Variants in ACADVL observed in about 807,000 individuals in gnomAD.
The protein encoded by ACADVL is acyl-CoA dehydrogenase very long chain.
In ACADVL, 73 loss-of-function variants were observed where a neutral mutation model predicts 80.4. The ratio of observed to expected loss-of-function variants is 0.91; its 90% CI spans 0.75 to 1.10. The LOEUF (loss-of-function observed/expected upper bound fraction) is 1.10. Ranked by LOEUF, ACADVL falls within the 50% of genes least tolerant of loss-of-function variation. The pLI, the probability that ACADVL is intolerant of heterozygous loss-of-function variation, is 0.00. For synonymous variants in ACADVL, 392 were observed against 326.5 expected (o/e 1.20, Z -2.16); for missense variants, 878 against 858.9 (o/e 1.02, Z -0.28).
chr17:7,223,129 C>G lies in ACADVL; in HGVS notation c.1078-4C>G, dbSNP rs2071311558. ...CACAGCGGGATGTGTGGACCCTCTT[C>G]CAGGTAGATCATGCCACTAATCGTA... On this transcript the variant is annotated splice_region_variant and splice_polypyrimidine_tract_variant and intron_variant, in intron 10 of 19. Coordinates refer to ENST00000356839, the MANE Select transcript of ACADVL (RefSeq NM_000018.4). 1 of 1,611,026 alleles carries G rather than the reference C, an allele frequency of 6.2e-7. No individual in the cohort carries two copies. Among genetic ancestry groups the G allele is most frequent in the Non-Finnish European group, 8.5e-7 (1 of 1,177,226 alleles).
chr17:7,220,369 C>G, intron 2 of ACADVL, 95 bp from the exon 3 acceptor site: 4 of 1,587,092 alleles, frequency 2.5e-6, no homozygotes, highest in Non-Finnish European at 3.5e-6. Flanking sequence ...GAAAGGTCAC[C>G]GCTTCGCGCC....
rs758069646 is a variant in ACADVL, at chr17:7,224,212, C to G, written c.1501C>G (p.Leu501Val). The G allele has an allele frequency of 1.5e-5, 25 of 1,614,056 alleles. No homozygotes were observed. The highest frequency in any genetic ancestry group is 2.1e-5 in the Non-Finnish European group (25 of 1,180,020). Reference sequence around the variant, plus strand: ...GAATCCCTTTGGGAATGCTGGCCTCCTGCTAGGAGAGGCAGGCAAACAGCT... The same window carrying G: ...GAATCCCTTTGGGAATGCTGGCCTCGTGCTAGGAGAGGCAGGCAAACAGCT... ...LKNPFGNAGL[L>V]LGEAGKQLRR... Residue 501 changes from leucine to valine, a missense_variant, in exon 15 of 20, where the codon CTG (leucine) becomes GTG (valine). By Grantham distance (32) the Leu-to-Val change is conservative. Coordinates refer to ENST00000356839, the MANE Select transcript of ACADVL (RefSeq NM_000018.4).
chr17:7,220,645 C>G lies in ACADVL; in HGVS notation c.246C>G (p.Leu82=). The G allele has an allele frequency of 1.2e-6, 2 of 1,614,208 alleles. No individual in the cohort carries two copies. Among genetic ancestry groups the G allele is most frequent in the Admixed American group, 1.7e-5 (1 of 60,030 alleles). ...CTGTGGGAATGTTCAAAGGCCAGCT[C>G]ACCACAGATCAGGTGTTCCCATACC... is the stretch of plus-strand genomic sequence containing the variant. ...SFAVGMFKGQ[L]TTDQVFPYPS... The change falls in exon 4 of 20, where the codon CTC becomes CTG. Residue 82 remains leucine (L), a synonymous_variant. Coordinates refer to ENST00000356839, the MANE Select transcript of ACADVL (RefSeq NM_000018.4).
In ACADVL at chr17:7,220,844, C is replaced by T. The variant is rs567468883; in HGVS notation, c.342+14C>T. The T allele has an allele frequency of 3.0e-5, 48 of 1,614,058 alleles. 1 individual carries two copies. The South Asian group carries it at 4.2e-4, about 14-fold the overall frequency. On this transcript the variant is annotated intron_variant, in intron 5 of 19. Transcript: ENST00000356839. Reference sequence around the variant, plus strand: ...CGTTTCTTCGAGGTAAGGAATGACTCGGGGCTTGGTCCCTGGTGAGGTGTT... The same window carrying T: ...CGTTTCTTCGAGGTAAGGAATGACTTGGGGCTTGGTCCCTGGTGAGGTGTT...
chr17:7,218,744 C>T (rs556759041), upstream of ACADVL: 21 of 1,584,818 alleles, frequency 1.3e-5, no homozygotes, highest in East Asian at 2.2e-5. Context: ...CCAGCCCCTA[C>T]GGAAAGATTT....
At position 7,222,246 on chromosome 17, in the gene ACADVL, C is replaced by T. The variant is rs372038260; in HGVS notation, c.822C>T (p.Ala274=). Reference sequence around the variant, plus strand: ...CAGTTACAGATCCAGCCACAGGAGCCGTGAAGGAGAAGATCACAGCTTTTG... The same window carrying T: ...CAGTTACAGATCCAGCCACAGGAGCTGTGAAGGAGAAGATCACAGCTTTTG... ...KTPVTDPATG[A]VKEKITAFVV... The change falls in exon 9 of 20, where the codon GCC becomes GCT. Residue 274 remains alanine, a synonymous_variant. Transcript: ENST00000356839. 39 of 1,613,938 alleles carry T rather than the reference C, an allele frequency of 2.4e-5. No homozygotes were observed. The highest frequency in any genetic ancestry group is 2.2e-5 in the East Asian group (1 of 44,892).
Position 7,224,207 on chromosome 17 carries a change from G to C in ACADVL, c.1496G>C (p.Gly499Ala), listed in dbSNP as rs764943140. ...CTAAAGAATCCCTTTGGGAATGCTG[G>C]CCTCCTGCTAGGAGAGGCAGGCAAA... Reference protein sequence around the residue: ...SALKNPFGNAGLLLGEAGKQL... With the variant: ...SALKNPFGNAALLLGEAGKQL... The change falls in exon 15 of 20, where the codon GGC becomes GCC. Residue 499 changes from glycine to alanine, a missense_variant. Physicochemically the swap from Gly to Ala is moderately conservative, Grantham distance 60. Transcript: ENST00000356839. 5 of 1,614,028 alleles carry C rather than the reference G, an allele frequency of 3.1e-6. No individual in the cohort carries two copies. The African/African-American group carries it at 6.7e-5, about 22-fold the overall frequency.
upstream of ACADVL, chr17:7,219,038 G>A: frequency 4.6e-6 from 3 of 653,070 alleles, no homozygotes; most frequent in East Asian, 2.7e-5. Flanking sequence ...TCTTCCCATA[G>A]GCAGGCAGAA....
Position 7,223,151 on chromosome 17 carries a change from C to A in ACADVL, c.1096C>A (p.Arg366Ser). The change falls in exon 11 of 20, where the codon CGT (arginine) becomes AGT (serine). Residue 366 changes from arginine (R) to serine (S), a missense_variant. By Grantham distance (110) the Arg-to-Ser change is moderately radical. Transcript: ENST00000356839. ...IAKAVDHATN[R>S]TQFGEKIHNF... ...CTTCCAGGTAGATCATGCCACTAAT[C>A]GTACCCAGTTTGGGGAGAAAATTCA... 1 of 1,613,854 alleles carries A rather than the reference C, an allele frequency of 6.2e-7. No individual in the cohort carries two copies. The highest frequency in any genetic ancestry group is 8.5e-7 in the Non-Finnish European group (1 of 1,179,748).
At chr17:7,219,771 G>A, upstream of ACADVL, 1 of 1,484,678 alleles carries the variant, frequency 6.7e-7, no homozygotes, top group Non-Finnish European at 8.9e-7. Context: ...GAGTTTGGGG[G>A]AGACGAGGGA....
Position 7,223,977 on chromosome 17 carries a change from G to A in ACADVL, c.1342G>A (p.Val448Ile), listed in dbSNP as rs2071353533. Residue 448 changes from valine (V) to isoleucine (I), a missense_variant, in exon 14 of 20, where the codon GTA becomes ATA. Val to Ile is a conservative substitution (Grantham distance 29). Transcript: ENST00000356839. ...GGMGFMKEPG[V>I]ERVLRDLRIF... ...TGTGGCCCTGTGCTAGGAACCTGGA[G>A]TAGAGCGTGTGCTCCGAGATCTTCG... The A allele has an allele frequency of 6.2e-7, 1 of 1,613,874 alleles. No homozygotes were observed. Among genetic ancestry groups the A allele is most frequent in the South Asian group, 1.1e-5 (1 of 91,060 alleles).
In ACADVL at chr17:7,219,999, G is replaced by C; in HGVS notation, c.15G>C (p.Arg5=). The change falls in exon 1 of 20, where the codon CGG becomes CGC. Residue 5 remains arginine (R), a synonymous_variant. Transcript: ENST00000356839. ...GAGATTCGGAGATGCAGGCGGCTCG[G>C]ATGGCCGCGAGCTTGGGGCGGCAGC... The part of the protein sequence containing the change: MQAA[R]MAASLGRQLL... 2 of 1,603,802 alleles carry C rather than the reference G, an allele frequency of 1.2e-6. No homozygotes were observed. Among genetic ancestry groups the C allele is most frequent in the Non-Finnish European group, 1.7e-6 (2 of 1,178,314 alleles).
At chr17:7,220,576 G>A in intron 3 of ACADVL, 28 bp from the exon 4 acceptor site, 2 of 1,614,210 alleles carry the variant, frequency 1.2e-6, no homozygotes, top group Non-Finnish European at 1.7e-6. Context: ...CCCAACCAGA[G>A]CCCTGAAATT....
At chr17:7,220,228 T>C in intron 2 of ACADVL, 31 bp downstream of exon 2, 1 of 1,523,836 alleles carries the variant, frequency 6.6e-7, no homozygotes, top group Non-Finnish European at 8.8e-7. Flanking sequence ...CAAGGGGGTG[T>C]GGGAGCGGCG....
At chr17:7,217,451 C>T, upstream of ACADVL, 1 of 153,312 alleles carries the variant, frequency 6.5e-6, no homozygotes, top group Non-Finnish European at 1.1e-5. Flanking sequence ...AGTTCGGGGG[C>T]TGGGGCATGA....
upstream of ACADVL, chr17:7,217,582 C>CG: frequency 7.5e-7 from 1 of 1,336,216 alleles, no homozygotes; most frequent in South Asian, 1.5e-5. Context: ...GAAACGGCAG[C>CG]GGCCGAGGGA....
In ACADVL at chr17:7,224,651, T is replaced by C. The variant is rs2071393854; in HGVS notation, c.1688T>C (p.Phe563Ser). The C allele has an allele frequency of 6.2e-6, 8 of 1,282,112 alleles. No individual in the cohort carries two copies. In the East Asian group the frequency reaches 4.3e-4, roughly 69 times the overall value. The allele number at this position is 1,282,112 out of a possible 1,614,324, so 79.4% of individuals were successfully genotyped here. Residue 563 changes from phenylalanine to serine, a missense_variant, in exon 18 of 20, where the codon TTT becomes TCT. Coordinates refer to ENST00000356839, the MANE Select transcript of ACADVL (RefSeq NM_000018.4). ...KHKKGIVNEQ[F>S]LLQRLADGAI... ...CCCACCTACCGGACAGATGAACAGTTTCTGCTGCAGCGGCTGGCAGACGGG... is the reference window on the plus strand; with the variant it reads ...CCCACCTACCGGACAGATGAACAGTCTCTGCTGCAGCGGCTGGCAGACGGG...
chr17:7,220,251 G>A, intron 2 of ACADVL, 54 bp downstream of exon 2: 2 of 1,510,514 alleles, frequency 1.3e-6, no homozygotes, highest in Admixed American at 2.0e-5. Flanking sequence ...CCGCTTCGGC[G>A]CCCGCCATCG....
chr17:7,224,204 C>G lies in ACADVL; in HGVS notation c.1493C>G (p.Ala498Gly), dbSNP rs753377608. 1 of 1,613,944 alleles carries G rather than the reference C, an allele frequency of 6.2e-7. No homozygotes were observed. ...GSALKNPFGNAGLLLGEAGKQ... is the reference protein window; with the variant it reads ...GSALKNPFGNGGLLLGEAGKQ... ...GCTCTAAAGAATCCCTTTGGGAATG[C>G]TGGCCTCCTGCTAGGAGAGGCAGGC... Residue 498 changes from alanine to glycine, a missense_variant, in exon 15 of 20, where the codon GCT (alanine) becomes GGT (glycine). Physicochemically the swap from Ala to Gly is moderately conservative, Grantham distance 60. Coordinates refer to ENST00000356839, the MANE Select transcript of ACADVL (RefSeq NM_000018.4).
Sources: allele counts gnomAD v4.1 joint callset, GRCh38; gene constraint gnomAD v4.1.1; transcripts MANE v1.5; gene names NCBI Gene and HGNC (gene_info 2026-07-23, HGNC 2026-07-21).